PDCD4: variants seen among roughly 807,000 people sequenced by gnomAD.
PDCD4 encodes programmed cell death protein 4.
PDCD4 carries 56 observed loss-of-function variants against 54.0 expected under a neutral mutation model. The observed-to-expected ratio is 1.04, with a 90% CI of 0.84 to 1.30. The LOEUF is 1.30. Among genes scored for constraint, PDCD4 ranks in the 50% most tolerant of loss-of-function variants. The probability of loss-of-function intolerance (pLI) is 0.00; values close to 1 mark genes in which losing one functional copy is unlikely to be tolerated. For missense variants in PDCD4, 584 were observed against 559.8 expected (o/e 1.04, Z -0.44); for synonymous variants, 186 against 194.8 (o/e 0.95, Z 0.37).
rs942024673 is a variant in PDCD4, at chr10:110,883,091, T to C, written c.435T>C (p.Asp145=). The C allele has an allele frequency of 1.8e-5, 29 of 1,570,916 alleles. No homozygotes were observed. Among genetic ancestry groups the C allele is most frequent in the Non-Finnish European group, 2.5e-5 (29 of 1,155,468 alleles). ...ATGTGAAAGATCCTAACTATGATGA[T>C]GACCAGGTATCAGTGCTTTGCTTTT... ...EVDVKDPNYD[D]DQENCVYETV... Residue 145 remains aspartate, a synonymous_variant, in exon 4 of 12, where the codon GAT becomes GAC. Coordinates refer to ENST00000280154, the MANE Select transcript of PDCD4 (RefSeq NM_014456.5).
intron 10 of PDCD4, 121 bp from the exon 11 acceptor site, chr10:110,895,827 T>C: frequency 1.5e-6 from 1 of 680,648 alleles, no homozygotes. Context: ...CAAATCTGAC[T>C]TCAGTTTAAC....
intron 11 of PDCD4, 110 bp downstream of exon 11, chr10:110,896,197 T>A: frequency 1.3e-6 from 1 of 772,528 alleles, no homozygotes; most frequent in Non-Finnish European, 2.1e-6. Context: ...AGAACGTGAC[T>A]CTTGTGAGTT....
Position 110,887,719 on chromosome 10 carries a change from GC to G in PDCD4, c.611del (p.Ala204GlufsTer4). ...AATGAAAAGTGGAGTACCAGTGTTG[GC>G]AGTATCCTTAGCATTGGAGGGGAAG... Reference protein sequence around the residue: ...GEMKSGVPVLAVSLALEGKAS... With the variant: ...GEMKSGVPVLXVSLALEGKAS... On this transcript the variant is annotated frameshift_variant, in exon 6 of 12. Coordinates refer to ENST00000280154, the MANE Select transcript of PDCD4 (RefSeq NM_014456.5). LOFTEE classifies it high-confidence loss of function. 6.2e-7 allele frequency: 1 copy of G among 1,613,454 alleles called. No homozygotes were observed. Among genetic ancestry groups the G allele is most frequent in the Non-Finnish European group, 8.5e-7 (1 of 1,179,462 alleles).
intron 1 of PDCD4, among the ~76,000 whole-genome samples, chr10:110,873,669 G>A (rs1260984992): frequency 6.6e-6 from 1 of 152,114 alleles, no homozygotes; most frequent in African/African-American, 2.4e-5. Context: ...TCTTGTTTGG[G>A]CCAATTAAGG....
chr10:110,895,805 C>T, intron 10 of PDCD4, 143 bp from the exon 11 acceptor site: 2 of 580,772 alleles, frequency 3.4e-6, no homozygotes, highest in South Asian at 2.4e-5. Flanking sequence ...ACTTTCTGTG[C>T]TTCTCACGAT....
In PDCD4 at chr10:110,883,009, C is replaced by T. The variant is rs769612669; in HGVS notation, c.353C>T (p.Ala118Val). The T allele has an allele frequency of 3.1e-6, 5 of 1,591,630 alleles. No individual in the cohort carries two copies. The East Asian group carries it at 9.3e-5, about 29-fold the overall frequency. Residue 118 changes from alanine (A) to valine (V), a missense_variant, in exon 4 of 12, where the codon GCA becomes GTA. Transcript: ENST00000280154. ...CAATGCTAAACTTTTTCAGGTGGTG[C>T]AGGAGGCAAAGGTGTCTGGGGTACA... is the stretch of plus-strand genomic sequence containing the variant. ...KGRGLPKKGG[A>V]GGKGVWGTPG...
chr10:110,876,069 A>T lies in PDCD4; in HGVS notation c.42A>T (p.Ala14=). Reference sequence around the variant, plus strand: ...AGCAGATACTGAATGTAAACCCTGCAGGTAAGTAAGGATATCCTTTTTTCT... The same window carrying T: ...AGCAGATACTGAATGTAAACCCTGCTGGTAAGTAAGGATATCCTTTTTTCT... The part of the protein sequence containing the change: ...ENEQILNVNP[A]DPDNLSDSLF... The change falls in exon 2 of 12, where the codon GCA becomes GCT. Residue 14 remains alanine (A), a splice_region_variant and synonymous_variant. Coordinates refer to ENST00000280154, the MANE Select transcript of PDCD4 (RefSeq NM_014456.5). 6.2e-7 allele frequency: 1 copy of T among 1,607,956 alleles called. No homozygotes were observed. Among genetic ancestry groups the T allele is most frequent in the Non-Finnish European group, 8.5e-7 (1 of 1,176,368 alleles).
At chr10:110,887,020 GTAA>G (rs1845678645) in intron 5 of PDCD4, among the ~76,000 whole-genome samples, 1 of 152,086 alleles carries the variant, frequency 6.6e-6, no homozygotes, top group Admixed American at 6.5e-5. Flanking sequence ...AATATTTATA[GTAA>G]TAATAGATTG....
chr10:110,887,915 C>G (rs757690030), intron 6 of PDCD4, 29 bp downstream of exon 6: 11 of 1,386,690 alleles, frequency 7.9e-6, no homozygotes, highest in Non-Finnish European at 1.1e-5. Flanking sequence ...TTTGTTCATT[C>G]CCTCCCACTA....
At position 110,885,333 on chromosome 10, in the gene PDCD4, A is replaced by C; in HGVS notation, c.522A>C (p.Glu174Asp). 6.3e-7 allele frequency: 1 copy of C among 1,588,192 alleles called. No individual in the cohort carries two copies. Residue 174 changes from glutamate (E) to aspartate (D), a missense_variant, in exon 5 of 12, where the codon GAA (glutamate) becomes GAC (aspartate). Glu to Asp is a conservative substitution (Grantham distance 45). Transcript: ENST00000280154. ...FEKTLTPIIQ[E>D]YFEHGDTNEV... ...AGACTTTAACACCAATCATACAGGA[A>C]TATTTTGAGCATGGAGATACTAATG...
At chr10:110,893,484 C>T (rs1465850315) in intron 8 of PDCD4, among the ~76,000 whole-genome samples, 1 of 151,454 alleles carries the variant, frequency 6.6e-6, no homozygotes, top group Non-Finnish European at 1.5e-5. Flanking sequence ...TGAAAAAGTT[C>T]TCCCACTTTT....
Position 110,895,322 on chromosome 10 carries a change from C to G in PDCD4, c.1210-626C>G, listed in dbSNP as rs564059531. On this transcript the variant is annotated intron_variant, in intron 10 of 11. Coordinates refer to ENST00000280154, the MANE Select transcript of PDCD4 (RefSeq NM_014456.5). ...GTTTAGCTCTCACTTACAAGTGAGA[C>G]CATGCATTATTTGGTTTTATGTTTG... 1.1e-4 allele frequency among the ~76,000 whole-genome samples: 17 copies of G among 152,144 alleles called. No individual in the cohort carries two copies. In the South Asian group the frequency reaches 3.5e-3, roughly 32 times the overall value.
intron 4 of PDCD4, 135 bp from the exon 5 acceptor site, chr10:110,885,118 T>A (rs1208785730): frequency 1.6e-5 from 8 of 509,438 alleles, no homozygotes; most frequent in Admixed American, 1.5e-4. Context: ...TTATATGCGA[T>A]CAATGTATGT....
intron 7 of PDCD4, among the ~76,000 whole-genome samples, chr10:110,889,964 T>G (rs1590735224): frequency 6.6e-6 from 1 of 152,208 alleles, no homozygotes; most frequent in Non-Finnish European, 1.5e-5. Context: ...TAGTTTAATA[T>G]TCTAATAAGA....
At chr10:110,896,722 G>A (rs534484579) in intron 11 of PDCD4, among the ~76,000 whole-genome samples, 2 of 152,196 alleles carry the variant, frequency 1.3e-5, no homozygotes, top group South Asian at 2.1e-4. Flanking sequence ...TAAATGTTTA[G>A]TAATAGCTAA....
chr10:110,898,152 G>A lies in PDCD4; in HGVS notation c.*64G>A. 1.6e-6 allele frequency: 1 copy of A among 626,064 alleles called. No homozygotes were observed. The highest frequency in any genetic ancestry group is 4.8e-5 in the Admixed American group (1 of 20,672). 38.8% of individuals were successfully genotyped at this position (626,064 alleles called of 1,614,324 possible). ...TATATCTGAATTGTAAGAGTTGTTAGCACAAGTTTTTTTTTTTTTTTTTTT... is the reference window on the plus strand; with the variant it reads ...TATATCTGAATTGTAAGAGTTGTTAACACAAGTTTTTTTTTTTTTTTTTTT... On this transcript the variant is annotated 3_prime_UTR_variant, in exon 12 of 12. Coordinates refer to ENST00000280154, the MANE Select transcript of PDCD4 (RefSeq NM_014456.5).
intron 5 of PDCD4, 35 bp downstream of exon 5, chr10:110,885,401 A>G (rs1472789377): frequency 1.1e-6 from 1 of 942,188 alleles, no homozygotes; most frequent in Admixed American, 2.0e-5. Flanking sequence ...TTTATTTAAT[A>G]TAGGAGAGAA....
In PDCD4 at chr10:110,894,112, T is replaced by A; in HGVS notation, c.1012T>A (p.Tyr338Asn). The change falls in exon 9 of 12, where the codon TAT becomes AAT. Residue 338 changes from tyrosine (Y) to asparagine (N), a missense_variant. Transcript: ENST00000280154. Reference sequence around the variant, plus strand: ...ATAGATTGATATGCTGCTGAAAGAATATTTACTCTCTGGAGACATATCTGA... The same window carrying A: ...ATAGATTGATATGCTGCTGAAAGAAAATTTACTCTCTGGAGACATATCTGA... ...VKEIDMLLKE[Y>N]LLSGDISEAE... 1.2e-6 allele frequency: 2 copies of A among 1,602,918 alleles called. No individual in the cohort carries two copies. The highest frequency in any genetic ancestry group is 8.5e-7 in the Non-Finnish European group (1 of 1,170,422).
chr10:110,898,175 T>C lies in PDCD4; in HGVS notation c.*87T>C. On this transcript the variant is annotated 3_prime_UTR_variant, in exon 12 of 12. Transcript: ENST00000280154. ...TAGCACAAGTTTTTTTTTTTTTTTT[T>C]TTTAAGCACTTGTTTTGGGTACAAG... 1.4e-6 allele frequency: 1 copy of C among 721,542 alleles called. No individual in the cohort carries two copies. Among genetic ancestry groups the C allele is most frequent in the Non-Finnish European group, 2.1e-6 (1 of 478,502 alleles). The allele number at this position is 721,542 out of a possible 1,614,324, so 44.7% of individuals were successfully genotyped here.
Sources: allele counts gnomAD v4.1 joint callset (sites outside exome capture counted in the v4.1 genomes callset), GRCh38; gene constraint gnomAD v4.1.1; transcripts MANE v1.5; gene names NCBI Gene and HGNC (gene_info 2026-07-23, HGNC 2026-07-21).